Variants in PHACTR1 observed in about 807,000 individuals in gnomAD.
PHACTR1 encodes the protein RPEL repeat containing 1.
PHACTR1 carries 16 observed loss-of-function variants against 69.2 expected under a neutral mutation model. The observed-to-expected ratio is 0.23, with a 90% CI of 0.16 to 0.35. The LOEUF (loss-of-function observed/expected upper bound fraction) is 0.35, where lower values mean the gene tolerates loss of function less well. Ranked by LOEUF, PHACTR1 falls within the 10% of genes least tolerant of loss-of-function variation. PHACTR1 has a pLI of 1.00. For synonymous variants in PHACTR1, 312 were observed against 284.5 expected, an observed-to-expected ratio of 1.10 and a Z score of -0.97; for missense variants, 510 against 734.7, an observed-to-expected ratio of 0.69 and a Z score of 3.54.
At chr6:12,914,315 C>A (rs1043355917) in intron 4 of PHACTR1, among the ~76,000 whole-genome samples, 1 of 152,140 alleles carries the variant, frequency 6.6e-6, no homozygotes, top group Non-Finnish European at 1.5e-5. Context: ...CTTCTTCTTC[C>A]AGCTTCTGCT....
intron 10 of PHACTR1, among the ~76,000 whole-genome samples, chr6:13,265,474 T>A (rs1776546841): frequency 6.6e-6 from 1 of 152,100 alleles, no homozygotes; most frequent in South Asian, 2.1e-4. Context: ...AAATAGAGGA[T>A]TGTCATAAAA....
chr6:13,012,067 G>A (rs967675215), intron 4 of PHACTR1, among the ~76,000 whole-genome samples: 2 of 152,222 alleles, frequency 1.3e-5, no homozygotes, highest in African/African-American at 4.8e-5. Flanking sequence ...AAGAGGGATC[G>A]AGATCTAATT....
intron 7 of PHACTR1, among the ~76,000 whole-genome samples, chr6:13,201,451 A>C (rs1327955525): frequency 6.6e-6 from 1 of 152,210 alleles, no homozygotes; most frequent in Non-Finnish European, 1.5e-5. Context: ...CTCATAGTAG[A>C]GTCCAGACAG....
intron 5 of PHACTR1, among the ~76,000 whole-genome samples, chr6:13,114,842 T>C (rs1817574986): frequency 6.6e-6 from 1 of 152,182 alleles, no homozygotes; most frequent in South Asian, 2.1e-4. Flanking sequence ...GGTTTAAAAG[T>C]TATAAATCTA....
chr6:12,768,276 G>A (rs376945972), intron 4 of PHACTR1, among the ~76,000 whole-genome samples: 47 of 152,008 alleles, frequency 3.1e-4, no homozygotes, highest in Non-Finnish European at 4.6e-4. Context: ...CACCATGCCC[G>A]GCTAATTTTT....
At chr6:12,887,026 T>A (rs1368832650) in intron 4 of PHACTR1, among the ~76,000 whole-genome samples, 1 of 152,010 alleles carries the variant, frequency 6.6e-6, no homozygotes, top group African/African-American at 2.4e-5. Context: ...CTCTTCCTCC[T>A]CTTCCCCTTG....
intron 4 of PHACTR1, among the ~76,000 whole-genome samples, chr6:13,019,068 A>G (rs150494862): frequency 7.3e-6 from 1 of 137,688 alleles, no homozygotes; most frequent in African/African-American, 2.7e-5. Flanking sequence ...ATATATATAT[A>G]TATATATTTT....
intron 4 of PHACTR1, among the ~76,000 whole-genome samples, chr6:12,773,249 T>C (rs17678784): frequency 0.028 from 4,321 of 152,296 alleles, 79 homozygotes; most frequent in Middle Eastern, 0.048. Flanking sequence ...AGCTCAATTT[T>C]ATTTGATGCC....
intron 4 of PHACTR1, among the ~76,000 whole-genome samples, chr6:12,893,594 C>G (rs1784361277): frequency 6.6e-6 from 1 of 152,120 alleles, no homozygotes; most frequent in South Asian, 2.1e-4. Flanking sequence ...TACCCCTAGC[C>G]TCTGAAGCCT....
At chr6:13,101,067 G>A (rs1238409753) in intron 5 of PHACTR1, among the ~76,000 whole-genome samples, 1 of 152,172 alleles carries the variant, frequency 6.6e-6, no homozygotes, top group African/African-American at 2.4e-5. Context: ...TCCATTTTGT[G>A]TTGTTATAAC....
intron 3 of PHACTR1, among the ~76,000 whole-genome samples, chr6:12,744,721 A>G (rs1423341193): frequency 2.0e-5 from 3 of 152,232 alleles, no homozygotes; most frequent in Non-Finnish European, 4.4e-5. Context: ...TAGGCAGAGC[A>G]GCAAAAAAAT....
At chr6:13,219,013 G>A (rs997693220) in intron 8 of PHACTR1, among the ~76,000 whole-genome samples, 8 of 152,032 alleles carry the variant, frequency 5.3e-5, no homozygotes, top group African/African-American at 9.7e-5. Context: ...GAGAAGAGTC[G>A]AGTTTTCCAA....
intron 10 of PHACTR1, among the ~76,000 whole-genome samples, chr6:13,232,657 C>T (rs1771400210): frequency 1.3e-5 from 2 of 152,174 alleles, no homozygotes. Context: ...GCACCCTCAT[C>T]CCCCATAACA....
chr6:13,165,419 T>C (rs1368854952), intron 6 of PHACTR1, among the ~76,000 whole-genome samples: 4 of 152,248 alleles, frequency 2.6e-5, no homozygotes, highest in South Asian at 2.1e-4. Context: ...TATGTATGTA[T>C]TTATTCATTC....
intron 5 of PHACTR1, among the ~76,000 whole-genome samples, chr6:13,112,229 T>C (rs1378018084): frequency 1.3e-5 from 2 of 152,246 alleles, no homozygotes; most frequent in African/African-American, 2.4e-5. Context: ...TGTGGCTGCA[T>C]AGTATTCCAT....
At chr6:12,726,457 T>G (rs930955293) in intron 3 of PHACTR1, among the ~76,000 whole-genome samples, 1 of 152,246 alleles carries the variant, frequency 6.6e-6, no homozygotes, top group African/African-American at 2.4e-5. Context: ...CCTGTTTTTA[T>G]ACTTTTTGGC....
chr6:12,987,089 A>G (rs1474408056), intron 4 of PHACTR1, among the ~76,000 whole-genome samples: 1 of 152,242 alleles, frequency 6.6e-6, no homozygotes, highest in African/African-American at 2.4e-5. Flanking sequence ...ATAAGTGTAT[A>G]TGATTTTAAA....
rs190101976 is a variant in PHACTR1 at position 12,761,962 on chromosome 6, C to T, written c.250+12172C>T. Among the ~76,000 whole-genome samples, 105 of 152,328 alleles carry T rather than the reference C, an allele frequency of 6.9e-4. 1 individual carries two copies. In the South Asian group the frequency reaches 0.019, roughly 28 times the overall value. ...TGCCCTGCATTTCTTCCAGACCTCG[C>T]GCCACGCTGCCTTCCAGCAACATCC... On this transcript the variant is annotated intron_variant, in intron 4 of 14. Transcript: ENST00000332995.
intron 7 of PHACTR1, among the ~76,000 whole-genome samples, chr6:13,186,209 A>G (rs975342839): frequency 5.9e-5 from 9 of 152,232 alleles, no homozygotes; most frequent in African/African-American, 1.7e-4. Context: ...TACAAAGGAG[A>G]AAAGGTCCCA....
Sources: gnomAD v4.1 joint callset for allele counts (sites outside exome capture counted in the v4.1 genomes callset) on GRCh38, gnomAD v4.1.1 for gene constraint, MANE v1.5 for transcripts, NCBI Gene and HGNC (gene_info 2026-07-23, HGNC 2026-07-21) for gene names.